The following IL1RAPL1 variants were observed in gnomAD, a reference collection of about 807,000 sequenced individuals.
IL1RAPL1 encodes interleukin-1 receptor accessory protein-like 1.
Under a neutral mutation model 48.4 loss-of-function variants are expected in IL1RAPL1, and 3 were observed. The ratio of observed to expected loss-of-function variants is 0.06; its 90% CI spans 0.03 to 0.16. The LOEUF (loss-of-function observed/expected upper bound fraction) is 0.16. Ranked by LOEUF, IL1RAPL1 falls within the 10% of genes least tolerant of loss-of-function variation. The pLI, the probability that IL1RAPL1 is intolerant of heterozygous loss-of-function variation, is 1.00. For missense variants in IL1RAPL1, 349 were observed against 530.6 expected, an observed-to-expected ratio of 0.66 and a Z score of 3.36; for synonymous variants, 185 against 187.7, an observed-to-expected ratio of 0.99 and a Z score of 0.12.
intron 5 of IL1RAPL1, among the ~76,000 whole-genome samples, chrX:29,403,603 A>G (rs1934021282): frequency 8.9e-6 from 1 of 112,291 alleles, no homozygotes; most frequent in Non-Finnish European, 1.9e-5. Flanking sequence ...ATAGTAACAC[A>G]TAAACATATA....
At chrX:29,517,940 G>T (rs1935464114) in intron 5 of IL1RAPL1, among the ~76,000 whole-genome samples, 1 of 111,763 alleles carries the variant, frequency 8.9e-6, no homozygotes, top group Non-Finnish European at 1.9e-5. Flanking sequence ...AAATATTGAA[G>T]ATCTTACTGT....
chrX:29,471,529 T>C (rs759204335), intron 5 of IL1RAPL1, among the ~76,000 whole-genome samples: 15 of 111,439 alleles, frequency 1.3e-4, no homozygotes, highest in Non-Finnish European at 2.3e-4. Flanking sequence ...TCTATAGTTA[T>C]GGGAAACTGG....
chrX:29,217,322 C>G (rs941565660), intron 2 of IL1RAPL1, among the ~76,000 whole-genome samples: 2 of 112,165 alleles, frequency 1.8e-5, no homozygotes, highest in African/African-American at 6.5e-5. Flanking sequence ...TAGTAAATGC[C>G]TTGCAGATTC....
At chrX:29,040,806 C>A (rs1926830564) in intron 2 of IL1RAPL1, among the ~76,000 whole-genome samples, 1 of 111,932 alleles carries the variant, frequency 8.9e-6, no homozygotes, top group African/African-American at 3.2e-5. Flanking sequence ...GAACTAACCA[C>A]CTACAGTTTC....
At chrX:29,210,528 T>G (rs955126724) in intron 2 of IL1RAPL1, among the ~76,000 whole-genome samples, 5 of 112,341 alleles carry the variant, frequency 4.5e-5, no homozygotes, top group Admixed American at 9.5e-5. Context: ...TTCATTTAAT[T>G]TATTCTTTAC....
chrX:29,378,523 A>T (rs1377048353), intron 3 of IL1RAPL1, among the ~76,000 whole-genome samples: 1 of 112,002 alleles, frequency 8.9e-6, no homozygotes, highest in Non-Finnish European at 1.9e-5. Context: ...CTGTGGTGTA[A>T]GTTGGGTATA....
intron 3 of IL1RAPL1, among the ~76,000 whole-genome samples, chrX:29,391,899 CA>C (rs1172697636): frequency 8.9e-6 from 1 of 112,024 alleles, no homozygotes; most frequent in East Asian, 2.8e-4. Context: ...TCGAAAAACT[CA>C]TTGACTTCTT....
chrX:28,900,088 C>T (rs770257287), intron 2 of IL1RAPL1, among the ~76,000 whole-genome samples: 106 of 111,879 alleles, frequency 9.5e-4, no homozygotes, highest in African/African-American at 3.0e-3. Flanking sequence ...CTAAGGACTC[C>T]GATTGGAACA....
At chrX:29,528,105 A>G (rs1352298406) in intron 5 of IL1RAPL1, among the ~76,000 whole-genome samples, 3 of 112,525 alleles carry the variant, frequency 2.7e-5, no homozygotes, top group Non-Finnish European at 5.6e-5. Context: ...AATATCTAAT[A>G]AAATTACATA....
chrX:29,925,977 TA>T (rs753810496), intron 8 of IL1RAPL1, among the ~76,000 whole-genome samples: 10 of 111,701 alleles, frequency 9.0e-5, no homozygotes, highest in Non-Finnish European at 1.5e-4. Flanking sequence ...CCAAGTTAGT[TA>T]TTTTTTTGCC....
At chrX:29,344,624 C>T (rs1933125308) in intron 3 of IL1RAPL1, among the ~76,000 whole-genome samples, 1 of 111,234 alleles carries the variant, frequency 9.0e-6, no homozygotes, top group African/African-American at 3.3e-5. Flanking sequence ...CAGAGGTAAC[C>T]ATGTTTTTTT....
At chrX:29,245,463 C>G (rs1300653696) in intron 2 of IL1RAPL1, among the ~76,000 whole-genome samples, 2 of 111,796 alleles carry the variant, frequency 1.8e-5, no homozygotes, top group Non-Finnish European at 3.8e-5. Context: ...TTAATGATCA[C>G]CATTCTAACT....
chrX:28,632,705 G>A (rs1934413629), intron 1 of IL1RAPL1, among the ~76,000 whole-genome samples: 1 of 110,588 alleles, frequency 9.0e-6, no homozygotes, highest in African/African-American at 3.3e-5. Flanking sequence ...CATTATTTTA[G>A]GGAAAATAAC....
chrX:29,751,650 G>A (rs1386310831), intron 6 of IL1RAPL1, among the ~76,000 whole-genome samples: 1 of 111,302 alleles, frequency 9.0e-6, no homozygotes, highest in Non-Finnish European at 1.9e-5. Flanking sequence ...AAAAATGGAC[G>A]CTGGGTGTGG....
At chrX:28,762,413 AAAG>A (rs1249994888) in intron 1 of IL1RAPL1, among the ~76,000 whole-genome samples, 2 of 111,382 alleles carry the variant, frequency 1.8e-5, no homozygotes, top group African/African-American at 6.5e-5. Flanking sequence ...GGAAAAGACA[AAAG>A]AAATGCAAAA....
rs1304337502 is a variant in IL1RAPL1, at chrX:29,227,277, TTAG to T, written c.83-55655_83-55653del. Among the ~76,000 whole-genome samples, 12 of 109,993 alleles carry T rather than the reference TTAG, an allele frequency of 1.1e-4. No individual in the cohort carries two copies. The South Asian group carries it at 1.2e-3, about 11-fold the overall frequency. ...ATTAAAACTAAAGAATAATAATTAA[TTAG>T]TAGTATTAAGAAAGCTTTGCCTCCT... On this transcript the variant is annotated intron_variant, in intron 2 of 10. Coordinates refer to ENST00000378993, the MANE Select transcript of IL1RAPL1 (RefSeq NM_014271.4).
chrX:29,098,447 TTATTTATTTGGAAATAA>T (rs1329629832), intron 2 of IL1RAPL1, among the ~76,000 whole-genome samples: 1 of 112,585 alleles, frequency 8.9e-6, no homozygotes, highest in Non-Finnish European at 1.9e-5. Flanking sequence ...ATGTATCATT[TTATTTATTTGGAAATAA>T]TATTTATTTG....
chrX:29,296,758 C>T (rs921634383), intron 3 of IL1RAPL1, among the ~76,000 whole-genome samples: 5 of 111,091 alleles, frequency 4.5e-5, no homozygotes, highest in African/African-American at 1.3e-4. Flanking sequence ...TTTTAAGTTC[C>T]GGTTTCCAGA....
intron 2 of IL1RAPL1, among the ~76,000 whole-genome samples, chrX:29,096,954 T>A (rs1206130054): frequency 9.0e-6 from 1 of 110,725 alleles, no homozygotes; most frequent in African/African-American, 3.3e-5. Context: ...TAAAATAATT[T>A]TTTAAAAATT....
Sources: gnomAD v4.1 joint callset for allele counts (sites outside exome capture counted in the v4.1 genomes callset) on GRCh38, gnomAD v4.1.1 for gene constraint, MANE v1.5 for transcripts, NCBI Gene and HGNC (gene_info 2026-07-23, HGNC 2026-07-21) for gene names.